Variants in EFHD1 observed in about 807,000 individuals in gnomAD.
The protein encoded by EFHD1 is EF-hand domain family member D1.
A neutral mutation model predicts 17.2 loss-of-function variants in EFHD1; 10 were observed. The observed-to-expected ratio is 0.58, with a 90% confidence interval of 0.36 to 0.99. The LOEUF is 0.99. EFHD1 is among the 50% of genes least tolerant of loss of function. The pLI, the probability that EFHD1 is intolerant of heterozygous loss-of-function variation, is 0.01. For missense variants in EFHD1, 310 were observed against 327.5 expected, an observed-to-expected ratio of 0.95 and a Z score of 0.41; for synonymous variants, 153 against 142.0, an observed-to-expected ratio of 1.08 and a Z score of -0.55.
At chr2:232,627,055 TATATATA>T (rs1476748091) in intron 1 of EFHD1, among the ~76,000 whole-genome samples, 15 of 115,618 alleles carry the variant, frequency 1.3e-4, no homozygotes, top group Middle Eastern at 4.0e-3. Flanking sequence ...TATATATATA[TATATATA>T]TATTTTTTTT....
At chr2:232,674,240 T>A (rs1035545720) in intron 3 of EFHD1, among the ~76,000 whole-genome samples, 2 of 152,202 alleles carry the variant, frequency 1.3e-5, no homozygotes, top group Non-Finnish European at 2.9e-5. Flanking sequence ...AGGATTTTCA[T>A]ACAATAGTGT....
chr2:232,611,307 CGGG>C (rs35359382), intron 1 of EFHD1, among the ~76,000 whole-genome samples: 4 of 151,672 alleles, frequency 2.6e-5, no homozygotes, highest in East Asian at 2.0e-4. Context: ...TCCTGGGGGT[CGGG>C]GGGGGGGCAT....
At chr2:232,640,443 C>G (rs1391610698) in intron 1 of EFHD1, among the ~76,000 whole-genome samples, 1 of 152,164 alleles carries the variant, frequency 6.6e-6, no homozygotes, top group Non-Finnish European at 1.5e-5. Context: ...GTGTGTGCTC[C>G]TGTGGTACCA....
At chr2:232,612,284 G>T (rs993713400) in intron 1 of EFHD1, among the ~76,000 whole-genome samples, 15 of 152,064 alleles carry the variant, frequency 9.9e-5, no homozygotes, top group African/African-American at 3.6e-4. Flanking sequence ...TTAAAAGCAA[G>T]CATGGGCTTC....
At chr2:232,651,037 C>G (rs16829377) in intron 1 of EFHD1, among the ~76,000 whole-genome samples, 9,744 of 152,188 alleles carry the variant, frequency 0.064, 338 homozygotes, top group South Asian at 0.11. Flanking sequence ...AAAGGAAAGA[C>G]GGTGATCATT....
chr2:232,637,327 TCTTCACATGG>T (rs1369547329), intron 1 of EFHD1, among the ~76,000 whole-genome samples: 1 of 150,832 alleles, frequency 6.6e-6, no homozygotes, highest in Admixed American at 6.7e-5. Context: ...TGTTTCTGTG[TCTTCACATGG>T]CCTTCCTTTT....
intron 1 of EFHD1, among the ~76,000 whole-genome samples, chr2:232,662,229 G>A (rs1018879017): frequency 6.6e-6 from 1 of 152,104 alleles, no homozygotes; most frequent in Non-Finnish European, 1.5e-5. Context: ...AGACACGGCC[G>A]TTCAGAGCTG....
At chr2:232,676,582 C>T (rs556693780) in intron 3 of EFHD1, among the ~76,000 whole-genome samples, 3 of 152,162 alleles carry the variant, frequency 2.0e-5, no homozygotes, top group African/African-American at 4.8e-5. Flanking sequence ...AGTCAGTCTC[C>T]CTTAGGCCCC....
At position 232,633,746 on chromosome 2, in the gene EFHD1, G is replaced by C; in HGVS notation, c.42G>C (p.Leu14=). The part of the protein sequence containing the change: ...EELACKLERR[L]RREEAEESGP... ...TGGCGTGCAAGCTGGAGCGCCGGCT[G>C]CGGCGCGAGGAGGCCGAGGAGAGTG... is the stretch of plus-strand genomic sequence containing the variant. The change falls in exon 1 of 4, where the codon CTG becomes CTC. Residue 14 remains leucine (L), a synonymous_variant. Transcript: ENST00000264059. 6.8e-7 allele frequency: 1 copy of C among 1,469,486 alleles called. No individual in the cohort carries two copies. The highest frequency in any genetic ancestry group is 8.9e-7 in the Non-Finnish European group (1 of 1,118,976). 91.0% of individuals were successfully genotyped at this position (1,469,486 alleles called of 1,614,324 possible). A position where few individuals can be genotyped will look rare whatever the true frequency, so the allele number is the denominator to read the frequency against.
intron 1 of EFHD1, among the ~76,000 whole-genome samples, chr2:232,654,675 A>G (rs1694727596): frequency 1.3e-5 from 2 of 151,912 alleles, no homozygotes; most frequent in African/African-American, 2.4e-5. Flanking sequence ...TGACCCTCCC[A>G]TCTCAGCCTC....
intron 1 of EFHD1, among the ~76,000 whole-genome samples, chr2:232,618,161 A>T (rs997921141): frequency 4.6e-5 from 7 of 151,592 alleles, no homozygotes; most frequent in South Asian, 4.2e-4. Flanking sequence ...CTGGGACTAC[A>T]GGTGCACACC....
At chr2:232,616,246 A>G (rs1357814697) in intron 1 of EFHD1, among the ~76,000 whole-genome samples, 6 of 152,160 alleles carry the variant, frequency 3.9e-5, no homozygotes, top group African/African-American at 1.2e-4. Context: ...ACCTTGAGAC[A>G]TGCTCAGTGA....
intron 3 of EFHD1, among the ~76,000 whole-genome samples, chr2:232,681,017 A>G (rs1384155504): frequency 7.6e-6 from 1 of 130,978 alleles, no homozygotes; most frequent in Non-Finnish European, 1.6e-5. Flanking sequence ...TTAACCAGGC[A>G]TGGTGGCGTG....
chr2:232,622,982 T>C (rs1051089004), intron 1 of EFHD1, among the ~76,000 whole-genome samples: 6 of 152,322 alleles, frequency 3.9e-5, no homozygotes, highest in Middle Eastern at 3.4e-3. Flanking sequence ...TTTCACCTGT[T>C]TTATTTTTCT....
Position 232,653,049 on chromosome 2 carries a change from A to C in EFHD1, c.303-9753A>C, listed in dbSNP as rs1694688449. 3.3e-5 allele frequency among the ~76,000 whole-genome samples: 5 copies of C among 152,158 alleles called. No homozygotes were observed. The South Asian group carries it at 1.0e-3, about 32-fold the overall frequency. ...TCACACTTTGCCCAGGCTAGAGTGA[A>C]GTGGTGTAATCTCGGCTCACTGCAA... On this transcript the variant is annotated intron_variant, in intron 1 of 3. Coordinates refer to ENST00000264059, the MANE Select transcript of EFHD1 (RefSeq NM_025202.4).
At chr2:232,610,573 G>A (rs1244892983) in intron 1 of EFHD1, among the ~76,000 whole-genome samples, 4 of 150,814 alleles carry the variant, frequency 2.7e-5, no homozygotes, top group Middle Eastern at 3.6e-3. Flanking sequence ...CCGTCCCCCC[G>A]CCCCGAAAAA....
chr2:232,617,518 G>C (rs1331904185), intron 1 of EFHD1, among the ~76,000 whole-genome samples: 4 of 151,950 alleles, frequency 2.6e-5, no homozygotes, highest in African/African-American at 9.7e-5. Flanking sequence ...GCCAGGCGTG[G>C]TGGTGGGCGC....
At chr2:232,640,313 A>G (rs1220375869) in intron 1 of EFHD1, among the ~76,000 whole-genome samples, 3 of 152,128 alleles carry the variant, frequency 2.0e-5, no homozygotes, top group Non-Finnish European at 2.9e-5. Flanking sequence ...GTGTGGGTTC[A>G]TGTCGTGGCT....
chr2:232,607,094 C>T (rs1399615938), intron 1 of EFHD1, among the ~76,000 whole-genome samples: 1 of 151,506 alleles, frequency 6.6e-6, no homozygotes, highest in South Asian at 2.1e-4. Context: ...CGGGCTAAAG[C>T]GATTCTCCCA....
Sources: allele counts gnomAD v4.1 joint callset (sites outside exome capture counted in the v4.1 genomes callset), GRCh38; gene constraint gnomAD v4.1.1; transcripts MANE v1.5; gene names NCBI Gene and HGNC (gene_info 2026-07-23, HGNC 2026-07-21).